Variants in EPHA2 observed in about 807,000 individuals in gnomAD.
EPHA2 encodes the protein EPH receptor A2.
EPHA2 carries 54 observed loss-of-function variants against 104.9 expected under a neutral mutation model. The ratio of observed to expected loss-of-function variants is 0.51; its 90% confidence interval spans 0.41 to 0.65. The LOEUF is 0.65. Among genes scored for constraint, EPHA2 ranks in the 30% least tolerant of loss-of-function variants. EPHA2 has a pLI of 0.00. For synonymous variants in EPHA2, 560 were observed against 559.1 expected (o/e 1.00, Z -0.02); for missense variants, 1,117 against 1,369.5 (o/e 0.82, Z 2.91).
At chr1:16,149,081 G>A (rs762484040) in intron 2 of EPHA2, 34 bp from the exon 3 acceptor site, 33 of 1,606,616 alleles carry the variant, frequency 2.1e-5, no homozygotes, top group East Asian at 2.2e-5. Flanking sequence ...GTGTGGGCAG[G>A]TGCCTGGGGA....
chr1:16,133,515 T>C lies in EPHA2; in HGVS notation c.1830A>G (p.Pro610=), dbSNP rs774220645. The change falls in exon 10 of 17, where the codon CCA becomes CCG. Residue 610 remains proline (P), a synonymous_variant. Transcript: ENST00000358432. ...AVLKFTTEIH[P]SCVTRQKVIG... is the part of the protein sequence containing the mutation. ...TCACCTTCTGCCGAGTGACACAGGA[T>C]GGATGGATCTCGGTAGTGAACTTCA... 2 of 1,614,080 alleles carry C rather than the reference T, an allele frequency of 1.2e-6. No homozygotes were observed. Among genetic ancestry groups the C allele is most frequent in the Non-Finnish European group, 1.7e-6 (2 of 1,179,978 alleles).
chr1:16,131,757 A>G lies in EPHA2; in HGVS notation c.2439T>C (p.Tyr813=), dbSNP rs2024573799. 6.2e-7 allele frequency: 1 copy of G among 1,614,100 alleles called. No homozygotes were observed. The highest frequency in any genetic ancestry group is 8.5e-7 in the Non-Finnish European group (1 of 1,180,016). The change falls in exon 14 of 17, where the codon TAT becomes TAC. Residue 813 remains tyrosine (Y), a synonymous_variant. Coordinates refer to ENST00000358432, the MANE Select transcript of EPHA2 (RefSeq NM_004431.5). The surrounding 1 kb of genome is among the most constrained non-coding windows in gnomAD (Gnocchi z 5.2). ...ACAACTCCCAGTAGGGCCGCTCGCC[A>G]TAGGTCATCACCTCCCACATGACAA... ...FGIVMWEVMT[Y]GERPYWELSN... is the part of the protein sequence containing the mutation.
chr1:16,131,215 T>C lies in EPHA2; in HGVS notation c.2475+506A>G, dbSNP rs1371255640. On this transcript the variant is annotated intron_variant, in intron 14 of 16. Transcript: ENST00000358432. The surrounding 1 kb of genome is among the most constrained non-coding windows in gnomAD (Gnocchi z 5.2). ...ATACACACGTACACCCCACTCCTTTTTTCATCTCTGCACTCTCTGAATCAG... is the reference window on the plus strand; with the variant it reads ...ATACACACGTACACCCCACTCCTTTCTTCATCTCTGCACTCTCTGAATCAG... Among the ~76,000 whole-genome samples the C allele has an allele frequency of 6.6e-6, 1 of 152,182 alleles. No homozygotes were observed. The highest frequency in any genetic ancestry group is 1.9e-4 in the East Asian group (1 of 5,194).
chr1:16,131,607 A>C lies in EPHA2; in HGVS notation c.2475+114T>G. Reference sequence around the variant, plus strand: ...AAAAAAAAAAAATAAACATTTATGGAGCAAGCCTAAGAAGGTTCATCTAAA... The same window carrying C: ...AAAAAAAAAAAATAAACATTTATGGCGCAAGCCTAAGAAGGTTCATCTAAA... On this transcript the variant is annotated intron_variant, in intron 14 of 16. Coordinates refer to ENST00000358432, the MANE Select transcript of EPHA2 (RefSeq NM_004431.5). This position sits in a 1 kb window ranked among gnomAD's most constrained non-coding sequence, Gnocchi z 5.2. 7.1e-7 allele frequency: 1 copy of C among 1,413,968 alleles called. No individual in the cohort carries two copies. The allele number at this position is 1,413,968 out of a possible 1,614,324, so 87.6% of individuals were successfully genotyped here. A position where few individuals can be genotyped will look rare whatever the true frequency, so the allele number is the denominator to read the frequency against.
rs866424508 is a variant in EPHA2 at position 16,132,399 on chromosome 1, C to T, written c.2094G>A (p.Gly698=). 1.2e-5 allele frequency: 19 copies of T among 1,614,012 alleles called. No homozygotes were observed. The African/African-American group carries it at 2.3e-4, about 19-fold the overall frequency. ...TTACCCGAAGGAACTTGTCCAGGGC[C>T]CCATTCTCCATGTACTCAGTGATGA... ...MMIITEYMEN[G]ALDKFLREKD... The change falls in exon 12 of 17, where the codon GGG becomes GGA. Residue 698 remains glycine (G), a synonymous_variant. Coordinates refer to ENST00000358432, the MANE Select transcript of EPHA2 (RefSeq NM_004431.5).
chr1:16,124,939 T>G lies in EPHA2; in HGVS notation c.*276A>C. ...ATCCCATATGTCTGTCCGAAGGCTG[T>G]GGCGGGGCTCCTGCTCCAGGGATGC... On this transcript the variant is annotated 3_prime_UTR_variant, in exon 17 of 17. Transcript: ENST00000358432. 1 of 489,608 alleles carries G rather than the reference T, an allele frequency of 2.0e-6. No homozygotes were observed. The highest frequency in any genetic ancestry group is 3.8e-6 in the Non-Finnish European group (1 of 266,446). 30.3% of individuals were successfully genotyped at this position (489,608 alleles called of 1,614,324 possible). A position where few individuals can be genotyped will look rare whatever the true frequency, so the allele number is the denominator to read the frequency against.
In EPHA2 at chr1:16,137,525, A is replaced by G. The variant is rs905727996; in HGVS notation, c.1312+328T>C. Among the ~76,000 whole-genome samples, 79 of 152,140 alleles carry G rather than the reference A, an allele frequency of 5.2e-4. 1 individual carries two copies. The South Asian group carries it at 8.3e-3, about 16-fold the overall frequency. The stretch of plus-strand genomic sequence containing the variant: ...AGGCAGGAGAATTGCTTGAACCCGG[A>G]AGGCAGAGGTTGCAGTGAGCCGAGA... On this transcript the variant is annotated intron_variant, in intron 5 of 16. Transcript: ENST00000358432.
At chr1:16,149,994 C>G (rs2025006594) in intron 2 of EPHA2, among the ~76,000 whole-genome samples, 1 of 152,202 alleles carries the variant, frequency 6.6e-6, no homozygotes, top group Non-Finnish European at 1.5e-5. Context: ...GCCCTTGGGC[C>G]TCAGTTTCCC....
Position 16,137,906 on chromosome 1 carries a change from C to T in EPHA2, c.1259G>A (p.Gly420Asp). The T allele has an allele frequency of 6.2e-7, 1 of 1,613,986 alleles. No homozygotes were observed. ...ACGGAAGCTGCGGCTGGTTACCAGG[C>T]CTGAGACGCCATTGCGGGCCTCCAC... The part of the protein sequence containing the change: ...FTVEARNGVS[G>D]LVTSRSFRTA... The change falls in exon 5 of 17, where the codon GGC becomes GAC. Residue 420 changes from glycine to aspartate, a missense_variant. Gly to Asp is a moderately conservative substitution (Grantham distance 94). Coordinates refer to ENST00000358432, the MANE Select transcript of EPHA2 (RefSeq NM_004431.5).
chr1:16,140,242 C>A (rs552877174), intron 3 of EPHA2, among the ~76,000 whole-genome samples: 15 of 152,216 alleles, frequency 9.9e-5, no homozygotes, highest in Non-Finnish European at 2.1e-4. Context: ...GCTCTCACCC[C>A]CTTGGTCCAT....
At chr1:16,140,778 C>T (rs1387527782) in intron 3 of EPHA2, among the ~76,000 whole-genome samples, 1 of 152,220 alleles carries the variant, frequency 6.6e-6, no homozygotes, top group Non-Finnish European at 1.5e-5. Flanking sequence ...GCCATCAAGC[C>T]TGGCTAACTT....
chr1:16,155,813 C>T (rs1313500197), intron 1 of EPHA2, 35 bp downstream of exon 1: 8 of 1,370,636 alleles, frequency 5.8e-6, no homozygotes, highest in South Asian at 1.7e-5. Context: ...CACTGGGGCC[C>T]GGGGGCCAGG....
At chr1:16,151,431 C>T (rs2025035012) in intron 1 of EPHA2, among the ~76,000 whole-genome samples, 2 of 152,242 alleles carry the variant, frequency 1.3e-5, no homozygotes, top group Non-Finnish European at 2.9e-5. Context: ...GCTTCTGCCA[C>T]ATTCCCCCCA....
chr1:16,125,126 G>C lies in EPHA2; in HGVS notation c.*89C>G. 8.3e-7 allele frequency: 1 copy of C among 1,204,566 alleles called. No individual in the cohort carries two copies. Among genetic ancestry groups the C allele is most frequent in the Non-Finnish European group, 1.2e-6 (1 of 827,732 alleles). The allele number at this position is 1,204,566 out of a possible 1,614,324, so 74.6% of individuals were successfully genotyped here. Reference sequence around the variant, plus strand: ...GAGGAAAGAACTAGAAATAAATAAAGTCCCCAGTGGCCCAGCATGGCACAG... The same window carrying C: ...GAGGAAAGAACTAGAAATAAATAAACTCCCCAGTGGCCCAGCATGGCACAG... On this transcript the variant is annotated 3_prime_UTR_variant, in exon 17 of 17. Transcript: ENST00000358432. The surrounding 1 kb of genome is among the most constrained non-coding windows in gnomAD (Gnocchi z 4.9).
chr1:16,135,099 C>T lies in EPHA2; in HGVS notation c.1519G>A (p.Val507Met), dbSNP rs2024656077. 1.2e-6 allele frequency: 2 copies of T among 1,613,842 alleles called. No individual in the cohort carries two copies. The highest frequency in any genetic ancestry group is 1.7e-6 in the Non-Finnish European group (2 of 1,180,044). The change falls in exon 7 of 17, where the codon GTG (valine) becomes ATG (methionine). Residue 507 changes from valine to methionine, a missense_variant. By Grantham distance (21) the Val-to-Met change is conservative. Transcript: ENST00000358432. This position sits in a 1 kb window ranked among gnomAD's most constrained non-coding sequence, Gnocchi z 4.3. ...LAPDTTYLVQ[V>M]QALTQEGQGA... The stretch of plus-strand genomic sequence containing the variant: ...TGGCCCTCCTGCGTCAGTGCCTGCA[C>T]CTGGACCAGGTAGGTGGTGTCTGGG...
chr1:16,135,694 C>G lies in EPHA2; in HGVS notation c.1389G>C (p.Gln463His), dbSNP rs1232457745. ...TGACCTCGTACTTCCACACTCGGCT[C>G]TGCTGCGGCGGGGGGATGCTCCAGG... ...SVSWSIPPPQ[Q>H]SRVWKYEVTY... The change falls in exon 6 of 17, where the codon CAG (glutamine) becomes CAC (histidine). Residue 463 changes from glutamine to histidine, a missense_variant. Around this residue, in one of 3 missense-constraint regions of EPHA2, gnomAD observed 664 missense variants for 784.8 expected, o/e 0.85. Transcript: ENST00000358432. The surrounding 1 kb of genome is among the most constrained non-coding windows in gnomAD (Gnocchi z 4.3). The G allele has an allele frequency of 2.5e-6, 4 of 1,613,778 alleles. No homozygotes were observed. The highest frequency in any genetic ancestry group is 3.4e-6 in the Non-Finnish European group (4 of 1,180,028).
chr1:16,131,835 C>T lies in EPHA2; in HGVS notation c.2361G>A (p.Glu787=), dbSNP rs866260991. The change falls in exon 14 of 17, where the codon GAG becomes GAA. Residue 787 remains glutamate (E), a synonymous_variant. Transcript: ENST00000358432. The surrounding 1 kb of genome is among the most constrained non-coding windows in gnomAD (Gnocchi z 5.2). The stretch of plus-strand genomic sequence containing the variant: ...AGGTGAACTTCCGGTAGGAAATGGC[C>T]TCCGGGGCGGTCCAGCGGATGGGGA... The part of the protein sequence containing the change: ...GKIPIRWTAP[E]AISYRKFTSA... The T allele has an allele frequency of 1.9e-6, 3 of 1,614,042 alleles. No homozygotes were observed. The highest frequency in any genetic ancestry group is 3.3e-4 in the Middle Eastern group (2 of 6,062).
Position 16,134,948 on chromosome 1 carries a change from G to C in EPHA2, c.1582+88C>G, listed in dbSNP as rs2024652520. ...GTGACCGAGAAAGGGGCATTTCTAA[G>C]TTATTTGATTCACTTCCTTTCCCAA... On this transcript the variant is annotated intron_variant, in intron 7 of 16. Transcript: ENST00000358432. This position sits in a 1 kb window ranked among gnomAD's most constrained non-coding sequence, Gnocchi z 4.5. The C allele has an allele frequency of 6.3e-7, 1 of 1,579,422 alleles. No homozygotes were observed. The highest frequency in any genetic ancestry group is 1.7e-5 in the Admixed American group (1 of 59,008).
In EPHA2 at chr1:16,148,219, A is replaced by G. The variant is rs970546656; in HGVS notation, c.823+159T>C. ...ATGAATGAGTTAGTCCAGCCTTAATAAGGAAACTGATGTCTGGGAAGGATC... is the reference window on the plus strand; with the variant it reads ...ATGAATGAGTTAGTCCAGCCTTAATGAGGAAACTGATGTCTGGGAAGGATC... On this transcript the variant is annotated intron_variant, in intron 3 of 16. Coordinates refer to ENST00000358432, the MANE Select transcript of EPHA2 (RefSeq NM_004431.5). The surrounding 1 kb of genome is among the most constrained non-coding windows in gnomAD (Gnocchi z 4.9). Among the ~76,000 whole-genome samples the G allele has an allele frequency of 6.6e-6, 1 of 152,218 alleles. No individual in the cohort carries two copies. The highest frequency in any genetic ancestry group is 1.5e-5 in the Non-Finnish European group (1 of 68,038).
Sources: gnomAD v4.1 joint callset for allele counts (sites outside exome capture counted in the v4.1 genomes callset) on GRCh38, gnomAD v4.1.1 for gene constraint, gnomAD v4.1.1 regional missense constraint, Gnocchi (gnomAD v3.1) non-coding constraint, MANE v1.5 for transcripts, NCBI Gene and HGNC (gene_info 2026-07-23, HGNC 2026-07-21) for gene names.